SCFD2: variants seen among roughly 807,000 people sequenced by gnomAD.
SCFD2 encodes sec1 family domain-containing protein 2.
SCFD2 carries 54 observed loss-of-function variants against 58.9 expected under a neutral mutation model. The ratio of observed to expected loss-of-function variants is 0.92; its 90% CI spans 0.74 to 1.15. SCFD2 has a LOEUF of 1.15. SCFD2 is among the 50% of genes most tolerant of loss of function. The pLI is 0.00. For missense variants in SCFD2, 805 were observed against 836.6 expected (o/e 0.96, Z 0.47); for synonymous variants, 321 against 335.9 (o/e 0.96, Z 0.49).
chr4:53,083,586 A>G (rs1724213234), intron 5 of SCFD2, among the ~76,000 whole-genome samples: 2 of 152,194 alleles, frequency 1.3e-5, no homozygotes. Flanking sequence ...CAATATATTA[A>G]AAAGATCATT....
At chr4:53,332,711 C>T (rs1199267067) in intron 2 of SCFD2, among the ~76,000 whole-genome samples, 2 of 151,988 alleles carry the variant, frequency 1.3e-5, no homozygotes, top group Non-Finnish European at 2.9e-5. Context: ...CCTCTCTCAC[C>T]ACTCCTATTC....
chr4:52,894,610 C>A (rs565053511), intron 7 of SCFD2, among the ~76,000 whole-genome samples: 1 of 152,198 alleles, frequency 6.6e-6, no homozygotes, highest in Non-Finnish European at 1.5e-5. Context: ...AGAGAAAAGG[C>A]TGTTTGAAGA....
At chr4:53,291,538 G>C (rs927458808) in intron 3 of SCFD2, among the ~76,000 whole-genome samples, 11 of 151,946 alleles carry the variant, frequency 7.2e-5, no homozygotes, top group African/African-American at 2.7e-4. Flanking sequence ...TCATGAAAAT[G>C]TCCATACTGC....
At chr4:53,330,578 A>T (rs1232652501) in intron 2 of SCFD2, among the ~76,000 whole-genome samples, 1 of 152,200 alleles carries the variant, frequency 6.6e-6, no homozygotes, top group Non-Finnish European at 1.5e-5. Context: ...CCTGCTTTAC[A>T]AGAGCTCCTG....
chr4:53,167,480 G>A (rs770198110), intron 4 of SCFD2, among the ~76,000 whole-genome samples: 1 of 152,140 alleles, frequency 6.6e-6, no homozygotes, highest in Non-Finnish European at 1.5e-5. Context: ...ACTGAATATT[G>A]AGCAGGAACA....
intron 5 of SCFD2, among the ~76,000 whole-genome samples, chr4:53,072,167 A>C (rs938055244): frequency 6.6e-6 from 1 of 152,130 alleles, no homozygotes; most frequent in African/African-American, 2.4e-5. Context: ...ATCATCACCT[A>C]CACCTAAGAA....
chr4:53,237,971 C>T (rs1394271057), intron 4 of SCFD2, among the ~76,000 whole-genome samples: 9 of 127,906 alleles, frequency 7.0e-5, no homozygotes, highest in Non-Finnish European at 1.2e-4. Flanking sequence ...CCCCCACCTC[C>T]CTCCCGGACG....
At chr4:53,226,822 A>T (rs1034512205) in intron 4 of SCFD2, among the ~76,000 whole-genome samples, 1 of 152,202 alleles carries the variant, frequency 6.6e-6, no homozygotes, top group African/African-American at 2.4e-5. Flanking sequence ...AGAGAAGATC[A>T]CTGTGGCTGC....
intron 4 of SCFD2, among the ~76,000 whole-genome samples, chr4:53,248,076 G>A (rs1046611703): frequency 1.3e-5 from 2 of 152,142 alleles, no homozygotes; most frequent in African/African-American, 2.4e-5. Context: ...CGCACCATGC[G>A]CCACCCGAAG....
intron 5 of SCFD2, chr4:52,956,163 A>G: frequency 2.2e-6 from 1 of 456,684 alleles, no homozygotes; most frequent in Non-Finnish European, 4.4e-6. Flanking sequence ...GCCCAAGACT[A>G]CTGCTGGAGC....
chr4:52,965,148 T>C (rs891180009), intron 5 of SCFD2, among the ~76,000 whole-genome samples: 7 of 152,170 alleles, frequency 4.6e-5, no homozygotes, highest in Admixed American at 4.6e-4. Context: ...AAATGTCAGA[T>C]TTCGTGTTAT....
At chr4:52,987,946 C>T (rs969831439) in intron 5 of SCFD2, among the ~76,000 whole-genome samples, 6 of 152,170 alleles carry the variant, frequency 3.9e-5, no homozygotes, top group African/African-American at 1.4e-4. Flanking sequence ...GAAGATCCTA[C>T]CAAAGTGCAT....
chr4:53,365,589 A>C lies in SCFD2; in HGVS notation c.353T>G (p.Val118Gly). The change falls in exon 1 of 9, where the codon GTC (valine) becomes GGC (glycine). Residue 118 changes from valine (V) to glycine (G), a missense_variant. Physicochemically the swap from Val to Gly is moderately radical, Grantham distance 109 (BLOSUM62 -3). Coordinates refer to ENST00000401642, the MANE Select transcript of SCFD2 (RefSeq NM_152540.4). This position sits in a 1 kb window ranked among gnomAD's most constrained non-coding sequence, Gnocchi z 4.3. ...CATCTCGGCCGCTGCCGCCGCTGGG[A>C]CATGATTAGCTGTGAGGTGGACAGC... ...SHAVHLTANH[V>G]PAAAAAEMEG... The C allele has an allele frequency of 6.2e-7, 1 of 1,614,122 alleles. No homozygotes were observed.
At chr4:53,322,989 C>T (rs1423291918) in intron 2 of SCFD2, among the ~76,000 whole-genome samples, 3 of 152,218 alleles carry the variant, frequency 2.0e-5, no homozygotes, top group Admixed American at 6.5e-5. Flanking sequence ...CCTTCTGTCA[C>T]TCACCTCCAT....
chr4:53,266,832 A>T (rs551959175), intron 4 of SCFD2, among the ~76,000 whole-genome samples: 1 of 152,356 alleles, frequency 6.6e-6, no homozygotes, highest in Non-Finnish European at 1.5e-5. Flanking sequence ...AAGATGCTTT[A>T]TCTCCTTCGG....
chr4:53,135,013 A>C (rs1261384025), intron 5 of SCFD2, among the ~76,000 whole-genome samples: 2 of 152,174 alleles, frequency 1.3e-5, no homozygotes, highest in African/African-American at 2.4e-5. Flanking sequence ...TGAAAAAAAA[A>C]CCAAAAAACT....
intron 4 of SCFD2, among the ~76,000 whole-genome samples, chr4:53,173,625 TTTG>T (rs1353969413): frequency 6.6e-6 from 1 of 152,206 alleles, no homozygotes; most frequent in Non-Finnish European, 1.5e-5. Flanking sequence ...CACTTTATAA[TTTG>T]TTGTCTGGTT....
intron 3 of SCFD2, among the ~76,000 whole-genome samples, chr4:53,282,294 C>A (rs1299685807): frequency 1.3e-5 from 2 of 152,060 alleles, no homozygotes; most frequent in African/African-American, 4.8e-5. Context: ...GTTCATGGGC[C>A]TTCTAGATTG....
chr4:53,098,253 C>T (rs1439857509), intron 5 of SCFD2, among the ~76,000 whole-genome samples: 1 of 152,160 alleles, frequency 6.6e-6, no homozygotes, highest in Non-Finnish European at 1.5e-5. Context: ...GGAGGATTCC[C>T]TCTTTTTCTA....
Sources: allele counts gnomAD v4.1 joint callset (sites outside exome capture counted in the v4.1 genomes callset), GRCh38; gene constraint gnomAD v4.1.1; non-coding constraint Gnocchi (gnomAD v3.1); transcripts MANE v1.5; gene names NCBI Gene and HGNC (gene_info 2026-07-23, HGNC 2026-07-21).